The following CPNE7 variants were observed in gnomAD, a reference collection of about 807,000 sequenced individuals.
CPNE7 encodes the protein copine-7.
In CPNE7, 78 loss-of-function variants were observed where a neutral mutation model predicts 66.5. The observed-to-expected ratio is 1.17, with a 90% CI of 0.98 to 1.42. The LOEUF (loss-of-function observed/expected upper bound fraction) is 1.42. Among genes scored for constraint, CPNE7 ranks in the 40% most tolerant of loss-of-function variants. CPNE7 has a pLI of 0.00. For missense variants in CPNE7, 1,012 were observed against 776.6 expected (o/e 1.30, Z -3.60); for synonymous variants, 468 against 336.7 (o/e 1.39, Z -4.27).
chr16:89,589,842 C>T, intron 10 of CPNE7, 55 bp from the exon 11 acceptor site: 1 of 1,600,008 alleles, frequency 6.2e-7, no homozygotes, highest in Non-Finnish European at 8.6e-7. Context: ...GAAGTGGCCC[C>T]TGTTGCAGCC....
intron 11 of CPNE7, among the ~76,000 whole-genome samples, chr16:89,590,383 G>A (rs1421670316): frequency 1.3e-5 from 2 of 152,138 alleles, no homozygotes; most frequent in Admixed American, 6.5e-5. Flanking sequence ...AAATTAGCTG[G>A]GCGTGGTGGC....
chr16:89,596,423 C>G, intron 14 of CPNE7, 61 bp from the exon 15 acceptor site: 1 of 1,549,090 alleles, frequency 6.5e-7, no homozygotes, highest in South Asian at 1.2e-5. Context: ...AATCCAGTTG[C>G]AGGGACGGAT....
intron 2 of CPNE7, among the ~76,000 whole-genome samples, chr16:89,580,655 T>C: frequency 1.8e-5 from 2 of 109,364 alleles, no homozygotes; most frequent in African/African-American, 3.6e-5. Flanking sequence ...CCATCACCCG[T>C]CACATGGAAC....
chr16:89,594,848 C>T (rs1196160481), intron 13 of CPNE7, among the ~76,000 whole-genome samples: 1 of 151,836 alleles, frequency 6.6e-6, no homozygotes, highest in African/African-American at 2.4e-5. Context: ...GATGGGGTTT[C>T]ACCATTTTGG....
In CPNE7 at chr16:89,585,680, T is replaced by TC. The variant is rs2059023901; in HGVS notation, c.682-3dup. On this transcript the variant is annotated splice_region_variant and splice_polypyrimidine_tract_variant and intron_variant, in intron 6 of 14. Transcript: ENST00000319518. ...ACAGCAGTGCTGAGGAGGACTGGGC[T>TC]CCCCAGTGCCTGGTCTGGGATTACG... is the stretch of plus-strand genomic sequence containing the variant. The TC allele has an allele frequency of 6.4e-7, 1 of 1,551,750 alleles. No homozygotes were observed. The highest frequency in any genetic ancestry group is 1.4e-5 in the African/African-American group (1 of 72,314).
rs781353019 is a variant in CPNE7 at position 89,595,528 on chromosome 16, C to A, written c.1464C>A (p.Gly488=). The part of the protein sequence containing the change: ...TDMQVLDGDD[G]VLRSPRGEPA... ...TGCAGGTCCTGGACGGCGACGACGG[C>A]GTCCTGCGCTCCCCACGGGGTGAGC... The change falls in exon 14 of 15, where the codon GGC becomes GGA. Residue 488 remains glycine (G), a synonymous_variant. Transcript: ENST00000319518. The A allele has an allele frequency of 6.2e-7, 1 of 1,612,472 alleles. No individual in the cohort carries two copies. Among genetic ancestry groups the A allele is most frequent in the African/African-American group, 1.3e-5 (1 of 74,954 alleles).
In CPNE7 at chr16:89,595,522, C is replaced by T. The variant is rs368980332; in HGVS notation, c.1458C>T (p.Asp486=). The part of the protein sequence containing the change: ...DFTDMQVLDG[D]DGVLRSPRGE... ...CCGACATGCAGGTCCTGGACGGCGACGACGGCGTCCTGCGCTCCCCACGGG... is the reference window on the plus strand; with the variant it reads ...CCGACATGCAGGTCCTGGACGGCGATGACGGCGTCCTGCGCTCCCCACGGG... The change falls in exon 14 of 15, where the codon GAC becomes GAT. Residue 486 remains aspartate (D), a synonymous_variant. Coordinates refer to ENST00000319518, the MANE Select transcript of CPNE7 (RefSeq NM_153636.3). 198 of 1,612,580 alleles carry T rather than the reference C, an allele frequency of 1.2e-4. No individual in the cohort carries two copies. Among genetic ancestry groups the T allele is most frequent in the Admixed American group, 2.2e-4 (13 of 60,002 alleles).
chr16:89,589,272 A>G (rs1257139793), intron 10 of CPNE7, among the ~76,000 whole-genome samples: 1 of 152,184 alleles, frequency 6.6e-6, no homozygotes, highest in African/African-American at 2.4e-5. Flanking sequence ...AGCCTGGGTG[A>G]CAGAGCAAGA....
intron 13 of CPNE7, among the ~76,000 whole-genome samples, chr16:89,593,907 G>T (rs421959): frequency 0.09 from 13,730 of 152,198 alleles, 693 homozygotes; most frequent in South Asian, 0.19. Context: ...GGTCTCAGAC[G>T]GTTTCATCTG....
intron 7 of CPNE7, among the ~76,000 whole-genome samples, 166 bp from the exon 8 acceptor site, chr16:89,586,504 G>T (rs368927912): frequency 6.9e-4 from 105 of 151,832 alleles, no homozygotes; most frequent in Non-Finnish European, 1.2e-3. Flanking sequence ...CTTCATTCCC[G>T]TATGACCCAC....
At chr16:89,578,547 G>A (rs1385561903) in intron 2 of CPNE7, among the ~76,000 whole-genome samples, 1 of 151,882 alleles carries the variant, frequency 6.6e-6, no homozygotes, top group Non-Finnish European at 1.5e-5. Flanking sequence ...ATCACTTGAG[G>A]TCAGGAGTTC....
rs1416218101 is a variant in CPNE7, at chr16:89,591,144, G to C, written c.1186G>C (p.Glu396Gln). Residue 396 changes from glutamate to glutamine, a missense_variant, in exon 13 of 15, where the codon GAG becomes CAG. Coordinates refer to ENST00000319518, the MANE Select transcript of CPNE7 (RefSeq NM_153636.3). ...CCCCACAGGCATCCAGGGCGTGGTG[G>C]AGGCCTACCAGAACTGCCTGCCCAG... ...DECEGIQGVV[E>Q]AYQNCLPRVQ... The C allele has an allele frequency of 6.2e-7, 1 of 1,611,006 alleles. No individual in the cohort carries two copies. Among genetic ancestry groups the C allele is most frequent in the Non-Finnish European group, 8.5e-7 (1 of 1,179,062 alleles).
intron 7 of CPNE7, among the ~76,000 whole-genome samples, chr16:89,586,048 G>A (rs1469849886): frequency 8.8e-6 from 1 of 113,592 alleles, no homozygotes; most frequent in Non-Finnish European, 2.0e-5. Flanking sequence ...GGGCATTCAG[G>A]GAGGGGCAGG....
At chr16:89,578,972 G>C in intron 2 of CPNE7, 1 of 1,607,208 alleles carries the variant, frequency 6.2e-7, no homozygotes, top group Non-Finnish European at 8.5e-7. Context: ...CACCTTGCCA[G>C]GACGGGTCCT....
rs2151437399 is a variant in CPNE7, at chr16:89,584,996, A to G, written c.591+139A>G. On this transcript the variant is annotated intron_variant, in intron 5 of 14. Transcript: ENST00000319518. The surrounding 1 kb of genome is among the most constrained non-coding windows in gnomAD (Gnocchi z 6.0). The stretch of plus-strand genomic sequence containing the variant: ...GGCTTTGGTGGCTGTGGCTATGGCC[A>G]GAATCCAACAGGGAGCCGCAGGCGC... 1.3e-6 allele frequency: 1 copy of G among 762,390 alleles called. No homozygotes were observed. Among genetic ancestry groups the G allele is most frequent in the Non-Finnish European group, 2.1e-6 (1 of 466,916 alleles). The allele number at this position is 762,390 out of a possible 1,614,324, so 47.2% of individuals were successfully genotyped here.
Position 89,575,827 on chromosome 16 carries a change from C to T in CPNE7, c.-71C>T. Reference sequence around the variant, plus strand: ...CCTGGGCCGGCCACCATTTCCCGGGCGCCGCGGCGGCGCCGACTCGCGGGC... The same window carrying T: ...CCTGGGCCGGCCACCATTTCCCGGGTGCCGCGGCGGCGCCGACTCGCGGGC... On this transcript the variant is annotated 5_prime_UTR_variant, in exon 1 of 15. Transcript: ENST00000319518. The T allele has an allele frequency of 9.3e-7, 1 of 1,071,896 alleles. No homozygotes were observed. Among genetic ancestry groups the T allele is most frequent in the Non-Finnish European group, 1.1e-6 (1 of 876,714 alleles). 66.4% of individuals were successfully genotyped at this position (1,071,896 alleles called of 1,614,324 possible).
At chr16:89,587,007 C>G in intron 8 of CPNE7, 36 bp from the exon 9 acceptor site, 9 of 1,562,014 alleles carry the variant, frequency 5.8e-6, no homozygotes, top group Non-Finnish European at 7.8e-6. Context: ...CTCAGTGTCC[C>G]TGGCGGGGGT....
chr16:89,577,840 C>T (rs939209775), intron 2 of CPNE7, 119 bp downstream of exon 2: 1 of 815,650 alleles, frequency 1.2e-6, no homozygotes, highest in East Asian at 2.7e-5. Context: ...GGCTCTGCCC[C>T]CTCCTCAGCT....
chr16:89,581,375 G>A (rs998507361), intron 2 of CPNE7, among the ~76,000 whole-genome samples: 4 of 152,048 alleles, frequency 2.6e-5, no homozygotes, highest in African/African-American at 7.3e-5. Flanking sequence ...GGAACATCCC[G>A]TCACCCGCAG....
Sources: allele counts gnomAD v4.1 joint callset (sites outside exome capture counted in the v4.1 genomes callset), GRCh38; gene constraint gnomAD v4.1.1; non-coding constraint Gnocchi (gnomAD v3.1); transcripts MANE v1.5; gene names NCBI Gene and HGNC (gene_info 2026-07-23, HGNC 2026-07-21).